NEDD4: variants seen among roughly 807,000 people sequenced by gnomAD.
NEDD4 encodes E3 ubiquitin-protein ligase NEDD4.
In NEDD4, 99 loss-of-function variants were observed where a neutral mutation model predicts 144.9. The observed-to-expected ratio is 0.68, with a 90% CI of 0.58 to 0.81. NEDD4 has a LOEUF of 0.81. NEDD4 is among the 30% of genes least tolerant of loss of function. The pLI, the probability that NEDD4 is intolerant of heterozygous loss-of-function variation, is 0.00. For synonymous variants in NEDD4, 318 were observed against 350.6 expected (o/e 0.91, Z 1.04); for missense variants, 985 against 1,065.9 (o/e 0.92, Z 1.06).
chr15:55,873,230 G>A (rs1289835068), intron 6 of NEDD4, among the ~76,000 whole-genome samples: 2 of 152,068 alleles, frequency 1.3e-5, no homozygotes, highest in African/African-American at 4.8e-5. Flanking sequence ...TTCATCAGGA[G>A]AGCCCATTAT....
chr15:55,876,579 TA>T (rs1384726691), intron 5 of NEDD4, among the ~76,000 whole-genome samples: 1 of 152,016 alleles, frequency 6.6e-6, no homozygotes, highest in African/African-American at 2.4e-5. Flanking sequence ...ACTGCAGAGC[TA>T]AAAAGCACAG....
intron 1 of NEDD4, among the ~76,000 whole-genome samples, chr15:55,972,892 TTA>T (rs1380334102): frequency 6.6e-6 from 1 of 151,962 alleles, no homozygotes; most frequent in Non-Finnish European, 1.5e-5. Flanking sequence ...ACAAAAAAGG[TTA>T]TTACACAATG....
intron 2 of NEDD4, among the ~76,000 whole-genome samples, chr15:55,956,561 T>G (rs1319304979): frequency 6.6e-6 from 1 of 152,188 alleles, no homozygotes; most frequent in Non-Finnish European, 1.5e-5. Context: ...ACCTCAGCAT[T>G]TTTTGTTAAA....
intron 11 of NEDD4, among the ~76,000 whole-genome samples, 168 bp from the exon 12 acceptor site, chr15:55,856,364 C>T (rs867569115): frequency 6.6e-6 from 1 of 152,108 alleles, no homozygotes; most frequent in Non-Finnish European, 1.5e-5. Flanking sequence ...CAGCCCCCTA[C>T]GTGGACACCT....
At chr15:55,909,199 G>A (rs1445816108) in intron 5 of NEDD4, among the ~76,000 whole-genome samples, 7 of 152,146 alleles carry the variant, frequency 4.6e-5, no homozygotes, top group Admixed American at 3.9e-4. Context: ...GTTCTTTGTT[G>A]TGACTCACCC....
In NEDD4 at chr15:55,856,159, G is replaced by A; in HGVS notation, c.998C>T (p.Thr333Ile). 1 of 1,612,894 alleles carries A rather than the reference G, an allele frequency of 6.2e-7. No homozygotes were observed. Among genetic ancestry groups the A allele is most frequent in the Non-Finnish European group, 8.5e-7 (1 of 1,179,630 alleles). Residue 333 changes from threonine (T) to isoleucine (I), a missense_variant, in exon 12 of 29, where the codon ACT becomes ATT. Thr to Ile is a moderately conservative substitution (Grantham distance 89). Transcript: ENST00000435532. ...AGGAAGTGTAGGTTGTTCCTCAAAAGTATAGGCTTGTAAGCTGCCTCTTCT... is the reference window on the plus strand; with the variant it reads ...AGGAAGTGTAGGTTGTTCCTCAAAAATATAGGCTTGTAAGCTGCCTCTTCT... ...SSRRGSLQAY[T>I]FEEQPTLPVL...
At chr15:55,869,045 A>G (rs1356763010) in intron 8 of NEDD4, among the ~76,000 whole-genome samples, 3 of 152,120 alleles carry the variant, frequency 2.0e-5, no homozygotes, top group Admixed American at 6.5e-5. Context: ...ATGTAACTCT[A>G]CACAAATCTT....
At position 55,924,541 on chromosome 15, in the gene NEDD4, C is replaced by T. The variant is rs1485580468; in HGVS notation, c.291+105G>A. ...ATTTTGCCCAGAGTCTCCATAACCA[C>T]CCCCAAGCCATCACTCAAATCCCAG... On this transcript the variant is annotated intron_variant, in intron 5 of 28. Transcript: ENST00000435532. The T allele has an allele frequency of 8.3e-6, 8 of 966,550 alleles. No homozygotes were observed. In the African/African-American group the frequency reaches 1.3e-4, roughly 16 times the overall value. 59.9% of individuals were successfully genotyped at this position (966,550 alleles called of 1,614,324 possible). A position where few individuals can be genotyped will look rare whatever the true frequency, so the allele number is the denominator to read the frequency against.
At chr15:55,906,804 T>A (rs565424033) in intron 5 of NEDD4, among the ~76,000 whole-genome samples, 2 of 152,102 alleles carry the variant, frequency 1.3e-5, no homozygotes, top group East Asian at 3.9e-4. Flanking sequence ...AAATAAAAAA[T>A]AAAATTTTAG....
chr15:55,935,577 G>T (rs906005176), intron 4 of NEDD4, among the ~76,000 whole-genome samples: 31 of 152,170 alleles, frequency 2.0e-4, no homozygotes, highest in Non-Finnish European at 4.4e-4. Context: ...GCTGGGCGTG[G>T]TGGCTCATGC....
At chr15:55,975,774 A>G (rs1311193101) in intron 1 of NEDD4, among the ~76,000 whole-genome samples, 2 of 152,240 alleles carry the variant, frequency 1.3e-5, no homozygotes, top group African/African-American at 4.8e-5. Flanking sequence ...AGAAACAGAA[A>G]AAACAATCCT....
chr15:55,920,248 T>C (rs1334107586), intron 5 of NEDD4, among the ~76,000 whole-genome samples: 1 of 151,588 alleles, frequency 6.6e-6, no homozygotes, highest in Non-Finnish European at 1.5e-5. Context: ...AAATAAATAA[T>C]ACATAAAATA....
intron 1 of NEDD4, among the ~76,000 whole-genome samples, chr15:55,981,558 A>G (rs1184587639): frequency 1.3e-5 from 2 of 152,226 alleles, no homozygotes; most frequent in East Asian, 3.9e-4. Context: ...TGTCCTTGTA[A>G]AGCTGGAGTC....
intron 2 of NEDD4, among the ~76,000 whole-genome samples, chr15:55,952,102 G>T (rs879319187): frequency 6.6e-6 from 1 of 151,880 alleles, no homozygotes; most frequent in African/African-American, 2.4e-5. Context: ...GCCGAGGCGG[G>T]CGGATCATGA....
chr15:55,934,304 C>A (rs772202070), intron 4 of NEDD4, among the ~76,000 whole-genome samples: 6 of 152,070 alleles, frequency 3.9e-5, no homozygotes, highest in Non-Finnish European at 8.8e-5. Context: ...TACTTCATTC[C>A]TTTTTATTGA....
At chr15:55,913,715 G>C (rs913122926) in intron 5 of NEDD4, among the ~76,000 whole-genome samples, 17 of 151,892 alleles carry the variant, frequency 1.1e-4, no homozygotes, top group African/African-American at 4.1e-4. Flanking sequence ...CAATGCAAAA[G>C]GCATTTGATC....
chr15:55,944,202 T>G (rs1189002041), intron 4 of NEDD4, among the ~76,000 whole-genome samples: 1 of 152,190 alleles, frequency 6.6e-6, no homozygotes, highest in Non-Finnish European at 1.5e-5. Flanking sequence ...ACCTCGGAAG[T>G]GCAAGGGGTC....
At chr15:55,951,321 C>T (rs1337207587) in intron 4 of NEDD4, 55 bp downstream of exon 4, 4 of 720,356 alleles carry the variant, frequency 5.6e-6, no homozygotes, top group African/African-American at 1.9e-5. Flanking sequence ...TCATTCTAAC[C>T]TCCTAAGAAA....
At chr15:55,964,691 TG>T (rs2037482515) in intron 2 of NEDD4, among the ~76,000 whole-genome samples, 1 of 85,122 alleles carries the variant, frequency 1.2e-5, no homozygotes, top group African/African-American at 4.7e-5. Flanking sequence ...ATTTTGCTGC[TG>T]GTGTGTGTGT....
Sources: gnomAD v4.1 joint callset for allele counts (sites outside exome capture counted in the v4.1 genomes callset) on GRCh38, gnomAD v4.1.1 for gene constraint, MANE v1.5 for transcripts, NCBI Gene and HGNC (gene_info 2026-07-23, HGNC 2026-07-21) for gene names.